The following MBD1 variants were observed in gnomAD, a reference collection of about 807,000 sequenced individuals.
The protein encoded by MBD1 is methyl-CpG-binding domain protein 1.
Under a neutral mutation model 82.6 loss-of-function variants are expected in MBD1, and 25 were observed. That is an observed-to-expected ratio of 0.30 (90% CI 0.22 to 0.42). The LOEUF (loss-of-function observed/expected upper bound fraction) is 0.42, where lower values mean the gene tolerates loss of function less well. Among genes scored for constraint, MBD1 ranks in the 10% least tolerant of loss-of-function variants. The pLI, the probability that MBD1 is intolerant of heterozygous loss-of-function variation, is 1.00. For missense variants in MBD1, 627 were observed against 819.6 expected, an observed-to-expected ratio of 0.76 and a Z score of 2.87; for synonymous variants, 301 against 303.7, an observed-to-expected ratio of 0.99 and a Z score of 0.09.
In MBD1 at chr18:50,271,552, G is replaced by A. The variant is rs2035529769; in HGVS notation, c.1779-12C>T. ...TAAGGTCTTTGGACCTAGGGAAAAGGGAGCAGGTCTGTATGTTGAATGAGG... is the reference window on the plus strand; with the variant it reads ...TAAGGTCTTTGGACCTAGGGAAAAGAGAGCAGGTCTGTATGTTGAATGAGG... On this transcript the variant is annotated splice_polypyrimidine_tract_variant and intron_variant, in intron 15 of 16. Transcript: ENST00000269468. 1 of 1,614,090 alleles carries A rather than the reference G, an allele frequency of 6.2e-7. No individual in the cohort carries two copies. Among genetic ancestry groups the A allele is most frequent in the East Asian group, 2.2e-5 (1 of 44,900 alleles).
downstream of MBD1, chr18:50,267,342 G>GTAA (rs1462465266): frequency 2.4e-5 from 12 of 494,088 alleles, no homozygotes; most frequent in Non-Finnish European, 3.6e-5. Context: ...CAAATAACCA[G>GTAA]TAATAATAAT....
chr18:50,281,429 T>A lies in MBD1; in HGVS notation c.-92A>T, dbSNP rs1568281740. ...GTGGACCCATGGCGAGGGTCCCTCC[T>A]GCACCTCCCGCCTCGCCCTCCTCCC... On this transcript the variant is annotated 5_prime_UTR_variant, in exon 1 of 17. Transcript: ENST00000269468. The A allele has an allele frequency of 1.7e-6, 1 of 600,860 alleles. No individual in the cohort carries two copies. Among genetic ancestry groups the A allele is most frequent in the Non-Finnish European group, 3.0e-6 (1 of 336,862 alleles). 37.2% of individuals were successfully genotyped at this position (600,860 alleles called of 1,614,324 possible). A position where few individuals can be genotyped will look rare whatever the true frequency, so the allele number is the denominator to read the frequency against.
chr18:50,276,365 AG>A lies in MBD1; in HGVS notation c.516+12del. ...CACTGCAGAGTTGTGAAGAGGAAGC[AG>A]GTTGTGCTTACCTTAAACATTCTCT... On this transcript the variant is annotated intron_variant, in intron 6 of 16. Transcript: ENST00000269468. 6.2e-7 allele frequency: 1 copy of A among 1,613,470 alleles called. No homozygotes were observed. The highest frequency in any genetic ancestry group is 8.5e-7 in the Non-Finnish European group (1 of 1,179,462).
At chr18:50,276,450 G>A in intron 5 of MBD1, 32 bp from the exon 6 acceptor site, 2 of 1,610,628 alleles carry the variant, frequency 1.2e-6, no homozygotes, top group Non-Finnish European at 1.7e-6. Context: ...AAGAAAAGTG[G>A]AAAGGAAGCA....
At chr18:50,267,739 A>G, downstream of MBD1, 1 of 944,154 alleles carries the variant, frequency 1.1e-6, no homozygotes, top group Non-Finnish European at 1.6e-6. Flanking sequence ...TTGTGAGCAC[A>G]TGCAACAAAT....
chr18:50,275,358 T>C (rs1433126979), intron 8 of MBD1, 113 bp from the exon 9 acceptor site: 2 of 1,611,928 alleles, frequency 1.2e-6, no homozygotes, highest in Non-Finnish European at 1.7e-6. Context: ...GAGGGTGGCG[T>C]GAGGCACTCA....
Position 50,272,610 on chromosome 18 carries a change from T to C in MBD1, c.1778+67A>G, listed in dbSNP as rs867608608. The stretch of plus-strand genomic sequence containing the variant: ...CCATGCCAAACTGCCGGCTATACTT[T>C]CAAAACTCAGGGCCCACATCTGGCC... On this transcript the variant is annotated intron_variant, in intron 15 of 16. Coordinates refer to ENST00000269468, the MANE Select transcript of MBD1 (RefSeq NM_015846.4). The C allele has an allele frequency of 1.5e-5, 24 of 1,579,288 alleles. 1 individual carries two copies. In the Middle Eastern group the frequency reaches 5.0e-4, roughly 33 times the overall value.
At chr18:50,281,535 T>G (rs111396870), upstream of MBD1, 13 of 575,894 alleles carry the variant, frequency 2.3e-5, no homozygotes, top group African/African-American at 2.2e-4. Flanking sequence ...GAACCGGAAG[T>G]CCGCTGCCTG....
At position 50,273,378 on chromosome 18, in the gene MBD1, C is replaced by G; in HGVS notation, c.1540G>C (p.Ala514Pro). ...DTQDEWTPGT[A>P]VLTSPVLVPG... Reference sequence around the variant, plus strand: ...ACCAATACGGGAGAAGTCAGGACAGCTGTGCCTGGTGTCCACTCGTCCTGG... The same window carrying G: ...ACCAATACGGGAGAAGTCAGGACAGGTGTGCCTGGTGTCCACTCGTCCTGG... The change falls in exon 13 of 17, where the codon GCT (alanine) becomes CCT (proline). Residue 514 changes from alanine (A) to proline (P), a missense_variant. This residue lies in a region of MBD1 where 265 missense variants were observed against 278.4 expected (regional missense o/e 0.95). Transcript: ENST00000269468. 6.2e-7 allele frequency: 1 copy of G among 1,614,222 alleles called. No homozygotes were observed. The highest frequency in any genetic ancestry group is 8.5e-7 in the Non-Finnish European group (1 of 1,180,038).
At position 50,273,966 on chromosome 18, in the gene MBD1, G is replaced by A. The variant is rs1351905462; in HGVS notation, c.1147-103C>T. ...GCTAATCTCCCATCAGTCCCAGCAC[G>A]GAATCTGCTTACATATGAGCCCTTC... is the stretch of plus-strand genomic sequence containing the variant. On this transcript the variant is annotated intron_variant, in intron 11 of 16. Transcript: ENST00000269468. 2.7e-5 allele frequency: 40 copies of A among 1,478,082 alleles called. 2 individuals are homozygous for A. The South Asian group carries it at 3.0e-4, about 11-fold the overall frequency. The allele number at this position is 1,478,082 out of a possible 1,614,324, so 91.6% of individuals were successfully genotyped here.
At chr18:50,270,043 C>T (rs773457630) in intron 16 of MBD1, 23 of 1,597,854 alleles carry the variant, frequency 1.4e-5, no homozygotes, top group Non-Finnish European at 1.9e-5. Context: ...TCATATAGAT[C>T]ATTGTCAAAA....
rs1033899693 is a variant in MBD1 at position 50,272,372 on chromosome 18, T to C, written c.1778+305A>G. 15 of 436,376 alleles carry C rather than the reference T, an allele frequency of 3.4e-5. No homozygotes were observed. The East Asian group carries it at 3.9e-4, about 11-fold the overall frequency. 27.0% of individuals were successfully genotyped at this position (436,376 alleles called of 1,614,324 possible). A position where few individuals can be genotyped will look rare whatever the true frequency, so the allele number is the denominator to read the frequency against. On this transcript the variant is annotated intron_variant, in intron 15 of 16. Transcript: ENST00000269468. Reference sequence around the variant, plus strand: ...ATTTATATATTAAAGCTGACCCCTATAGAAATTCCTTAGGAAAATAGGGAC... The same window carrying C: ...ATTTATATATTAAAGCTGACCCCTACAGAAATTCCTTAGGAAAATAGGGAC...
At chr18:50,268,211 G>A, downstream of MBD1, among the ~76,000 whole-genome samples, 1 of 152,108 alleles carries the variant, frequency 6.6e-6, no homozygotes, top group Admixed American at 6.5e-5. Flanking sequence ...CAATGAAAAC[G>A]CCTTGGGCCC....
In MBD1 at chr18:50,269,507, T is replaced by C. The variant is rs117707712; in HGVS notation, c.*344A>G. ...CGTTGTTGCAGTTCACACGTTGCCA[T>C]GTATCTGCTAGATCACCTCGTTGGT... is the stretch of plus-strand genomic sequence containing the variant. On this transcript the variant is annotated 3_prime_UTR_variant, in exon 17 of 17. Transcript: ENST00000269468. 1.5e-3 allele frequency: 1,040 copies of C among 715,478 alleles called. 10 individuals carry two copies. The highest frequency in any genetic ancestry group is 0.012 in the East Asian group (465 of 37,230). The allele number at this position is 715,478 out of a possible 1,614,324, so 44.3% of individuals were successfully genotyped here.
At chr18:50,280,137 A>C in intron 1 of MBD1, 120 bp from the exon 2 acceptor site, 1 of 889,190 alleles carries the variant, frequency 1.1e-6, no homozygotes, top group Non-Finnish European at 1.7e-6. Flanking sequence ...GACCTGCCAC[A>C]GGCAACCAGC....
rs2038044663 is a variant in MBD1, at chr18:50,276,650, G to C, written c.475+12C>G. ...CTATCTCCCGATGCCCCATCCTCTG[G>C]AGGCCACTCACCTCGACAGTCTTTG... On this transcript the variant is annotated intron_variant, in intron 5 of 16. Coordinates refer to ENST00000269468, the MANE Select transcript of MBD1 (RefSeq NM_015846.4). 3 of 1,614,018 alleles carry C rather than the reference G, an allele frequency of 1.9e-6. No individual in the cohort carries two copies. The highest frequency in any genetic ancestry group is 1.1e-5 in the South Asian group (1 of 91,078).
chr18:50,267,320 G>C, downstream of MBD1: 1 of 437,384 alleles, frequency 2.3e-6, no homozygotes, highest in Non-Finnish European at 4.2e-6. Flanking sequence ...GAGCCTAAGT[G>C]CCTTGTCAAA....
downstream of MBD1, chr18:50,267,489 A>AC: frequency 1.3e-6 from 1 of 753,800 alleles, no homozygotes; most frequent in Non-Finnish European, 2.3e-6. Flanking sequence ...AGCATAATTA[A>AC]GAGTCTGAGG....
rs575333949 is a variant in MBD1 at position 50,281,519 on chromosome 18, C to T, written c.-182G>A. 3.5e-6 allele frequency: 2 copies of T among 578,720 alleles called. No individual in the cohort carries two copies. The highest frequency in any genetic ancestry group is 6.1e-6 in the Non-Finnish European group (2 of 326,116). The allele number at this position is 578,720 out of a possible 1,614,324, so 35.8% of individuals were successfully genotyped here. ...CTGTCGCCTCCGCGGCTGTTCGTTG[C>T]TCCCGGAACCGGAAGTCCGCTGCCT... is the stretch of plus-strand genomic sequence containing the variant. On this transcript the variant is annotated 5_prime_UTR_variant, in exon 1 of 17. Coordinates refer to ENST00000269468, the MANE Select transcript of MBD1 (RefSeq NM_015846.4).
Sources: gnomAD v4.1 joint callset for allele counts (sites outside exome capture counted in the v4.1 genomes callset) on GRCh38, gnomAD v4.1.1 for gene constraint, gnomAD v4.1.1 regional missense constraint, MANE v1.5 for transcripts, NCBI Gene and HGNC (gene_info 2026-07-23, HGNC 2026-07-21) for gene names.